NEDD4L: variants seen among roughly 807,000 people sequenced by gnomAD.
The protein encoded by NEDD4L is NEDD4 like E3 ubiquitin protein ligase.
NEDD4L carries 54 observed loss-of-function variants against 148.9 expected under a neutral mutation model. That is an observed-to-expected ratio of 0.36 (90% CI 0.29 to 0.45). The LOEUF (loss-of-function observed/expected upper bound fraction) is 0.45. Ranked by LOEUF, NEDD4L falls within the 20% of genes least tolerant of loss-of-function variation. The probability of loss-of-function intolerance (pLI) is 1.00; values close to 1 mark genes in which losing one functional copy is unlikely to be tolerated. For missense variants in NEDD4L, 856 were observed against 1,233.8 expected, an observed-to-expected ratio of 0.69 and a Z score of 4.59; for synonymous variants, 433 against 440.7, an observed-to-expected ratio of 0.98 and a Z score of 0.22.
chr18:58,137,671 CA>C (rs1213503504), intron 1 of NEDD4L, among the ~76,000 whole-genome samples: 1 of 152,142 alleles, frequency 6.6e-6, no homozygotes, highest in Non-Finnish European at 1.5e-5. Flanking sequence ...CTTGAATTTT[CA>C]AACTTGATTT....
chr18:58,381,897 A>G (rs944561163), intron 24 of NEDD4L, among the ~76,000 whole-genome samples: 1 of 152,204 alleles, frequency 6.6e-6, no homozygotes, highest in Non-Finnish European at 1.5e-5. Context: ...GGGCAGGAGC[A>G]GATGACCCCT....
intron 2 of NEDD4L, among the ~76,000 whole-genome samples, chr18:58,189,419 T>C (rs560074570): frequency 1.3e-5 from 2 of 152,248 alleles, no homozygotes; most frequent in Admixed American, 1.3e-4. Context: ...GCCTAGAGTA[T>C]AAATGGCTAT....
chr18:58,174,676 C>A (rs113748466), intron 2 of NEDD4L, among the ~76,000 whole-genome samples: 1 of 152,106 alleles, frequency 6.6e-6, no homozygotes, highest in Admixed American at 6.5e-5. Context: ...GGTGAGGCTA[C>A]GTGCGACTGG....
At chr18:58,304,637 C>G (rs187830675) in intron 5 of NEDD4L, among the ~76,000 whole-genome samples, 2 of 152,174 alleles carry the variant, frequency 1.3e-5, no homozygotes, top group Non-Finnish European at 2.9e-5. Context: ...GATTGAGAAA[C>G]CTTCCTTTGG....
chr18:58,083,971 T>C (rs1054990299), intron 1 of NEDD4L, among the ~76,000 whole-genome samples: 22 of 152,222 alleles, frequency 1.4e-4, no homozygotes, highest in Admixed American at 1.2e-3. Flanking sequence ...CCTCAGGTGA[T>C]CCACCTGCCT....
intron 2 of NEDD4L, 45 bp downstream of exon 2, chr18:58,165,906 A>G (rs780739675): frequency 3.3e-6 from 5 of 1,495,860 alleles, no homozygotes; most frequent in Non-Finnish European, 4.6e-6. Context: ...TGAAAAATTG[A>G]CAAGCAGTTT....
intron 3 of NEDD4L, chr18:58,247,226 C>T (rs991088061): frequency 4.6e-5 from 7 of 152,156 alleles, no homozygotes; most frequent in African/African-American, 1.7e-4. Flanking sequence ...ATGCAGGCAC[C>T]CAGGATGCAG....
chr18:58,212,620 C>T (rs1035307755), intron 2 of NEDD4L, among the ~76,000 whole-genome samples: 3 of 152,126 alleles, frequency 2.0e-5, no homozygotes, highest in African/African-American at 7.2e-5. Context: ...CAGAGCTAAA[C>T]CATATCAGCT....
At chr18:58,267,630 A>G (rs1337580631) in intron 5 of NEDD4L, among the ~76,000 whole-genome samples, 2 of 151,946 alleles carry the variant, frequency 1.3e-5, no homozygotes, top group East Asian at 1.9e-4. Context: ...TTAGCCTGTC[A>G]TTTTCATGTT....
chr18:58,281,753 C>T (rs1484534853), intron 5 of NEDD4L, among the ~76,000 whole-genome samples: 1 of 151,760 alleles, frequency 6.6e-6, no homozygotes, highest in Non-Finnish European at 1.5e-5. Context: ...TGGCTGGGCG[C>T]GGTGGCTCAC....
chr18:58,092,838 A>G (rs1191398051), intron 1 of NEDD4L, among the ~76,000 whole-genome samples: 1 of 148,512 alleles, frequency 6.7e-6, no homozygotes, highest in African/African-American at 2.5e-5. Context: ...AAAAAAATCC[A>G]TGTACTCCCT....
chr18:58,151,342 C>T (rs2034709232), intron 1 of NEDD4L, among the ~76,000 whole-genome samples: 1 of 152,178 alleles, frequency 6.6e-6, no homozygotes, highest in South Asian at 2.1e-4. Flanking sequence ...GTTTCTTTCT[C>T]TTCAGTGTTG....
intron 2 of NEDD4L, among the ~76,000 whole-genome samples, chr18:58,200,922 C>T (rs2041322663): frequency 6.6e-6 from 1 of 152,214 alleles, no homozygotes; most frequent in African/African-American, 2.4e-5. Flanking sequence ...ACCTTCTTAC[C>T]TACTTGTATC....
At chr18:58,218,615 T>G (rs2043397081) in intron 2 of NEDD4L, among the ~76,000 whole-genome samples, 1 of 152,148 alleles carries the variant, frequency 6.6e-6, no homozygotes, top group Non-Finnish European at 1.5e-5. Context: ...CTGCCCAGAT[T>G]ATAAAACTGA....
chr18:58,277,017 C>T (rs771586336), intron 5 of NEDD4L, among the ~76,000 whole-genome samples: 6 of 152,182 alleles, frequency 3.9e-5, no homozygotes, highest in South Asian at 2.1e-4. Context: ...TGCCAGGCTC[C>T]GGGTTGGCTG....
chr18:58,321,867 G>A (rs999722244), intron 6 of NEDD4L, among the ~76,000 whole-genome samples: 2 of 152,150 alleles, frequency 1.3e-5, no homozygotes, highest in South Asian at 2.1e-4. Flanking sequence ...CTTTAAAAAT[G>A]AACAAATACT....
intron 27 of NEDD4L, 47 bp downstream of exon 27, chr18:58,387,545 A>C: frequency 6.9e-7 from 1 of 1,452,578 alleles, no homozygotes; most frequent in Non-Finnish European, 9.2e-7. Context: ...TTTTTAAAGT[A>C]TCTCTCATTA....
chr18:58,278,775 T>C (rs1225075685), intron 5 of NEDD4L, among the ~76,000 whole-genome samples: 1 of 152,260 alleles, frequency 6.6e-6, no homozygotes, highest in Admixed American at 6.5e-5. Flanking sequence ...CTCTGTCATA[T>C]CTATCTCAAA....
intron 1 of NEDD4L, among the ~76,000 whole-genome samples, chr18:58,078,015 ATTT>A (rs56093190): frequency 3.2e-3 from 463 of 142,940 alleles, no homozygotes; most frequent in East Asian, 5.3e-3. Flanking sequence ...TGAGAAACGT[ATTT>A]TTTTTTTTTT....
Sources: gnomAD v4.1 joint callset for allele counts (sites outside exome capture counted in the v4.1 genomes callset) on GRCh38, gnomAD v4.1.1 for gene constraint, MANE v1.5 for transcripts, NCBI Gene and HGNC (gene_info 2026-07-23, HGNC 2026-07-21) for gene names.